Variants in NCKAP5 observed in about 807,000 individuals in gnomAD.
NCKAP5 encodes NCK associated protein 5.
NCKAP5 carries 92 observed loss-of-function variants against 167.0 expected under a neutral mutation model. The observed-to-expected ratio is 0.55, with a 90% confidence interval of 0.47 to 0.66. NCKAP5 has a LOEUF of 0.66. NCKAP5 is among the 30% of genes least tolerant of loss of function. The probability of loss-of-function intolerance (pLI) is 0.00; values close to 1 mark genes in which losing one functional copy is unlikely to be tolerated. For synonymous variants in NCKAP5, 891 were observed against 877.4 expected, an observed-to-expected ratio of 1.02 and a Z score of -0.27; for missense variants, 2,378 against 2,315.0, an observed-to-expected ratio of 1.03 and a Z score of -0.56.
At chr2:133,497,620 G>A (rs1221182297) in intron 3 of NCKAP5, among the ~76,000 whole-genome samples, 1 of 152,174 alleles carries the variant, frequency 6.6e-6, no homozygotes, top group African/African-American at 2.4e-5. Flanking sequence ...TGTCCTATAG[G>A]ATCCTTGTCC....
intron 6 of NCKAP5, among the ~76,000 whole-genome samples, chr2:133,000,117 C>T (rs1419708921): frequency 3.9e-5 from 6 of 152,006 alleles, no homozygotes; most frequent in Non-Finnish European, 2.9e-5. Flanking sequence ...AAGAAGTGCC[C>T]GCCACATTCC....
chr2:133,311,572 CA>C (rs1213369158), intron 3 of NCKAP5, among the ~76,000 whole-genome samples: 2 of 152,164 alleles, frequency 1.3e-5, no homozygotes, highest in African/African-American at 4.8e-5. Context: ...CCTTTAATCA[CA>C]TGTTTGGCTC....
At chr2:133,025,302 T>C (rs571008748) in intron 6 of NCKAP5, among the ~76,000 whole-genome samples, 2 of 152,334 alleles carry the variant, frequency 1.3e-5, no homozygotes, top group South Asian at 4.1e-4. Flanking sequence ...ACATACAATG[T>C]AAAGCTACTA....
At chr2:133,442,417 C>T (rs1479880752) in intron 3 of NCKAP5, among the ~76,000 whole-genome samples, 1 of 152,192 alleles carries the variant, frequency 6.6e-6, no homozygotes. Flanking sequence ...GCTGTTGAAG[C>T]TGCCTAACAG....
intron 8 of NCKAP5, among the ~76,000 whole-genome samples, chr2:132,961,657 C>T (rs1356537969): frequency 6.6e-6 from 1 of 152,204 alleles, no homozygotes; most frequent in Non-Finnish European, 1.5e-5. Context: ...AAAGATACTG[C>T]TTCTCTTTTA....
At chr2:132,885,168 G>A (rs1692114543) in intron 8 of NCKAP5, among the ~76,000 whole-genome samples, 1 of 151,318 alleles carries the variant, frequency 6.6e-6, no homozygotes, top group African/African-American at 2.4e-5. Context: ...TAGAGATTCA[G>A]GATTAACCTG....
the NCKAP5 span, among the ~76,000 whole-genome samples, chr2:133,643,589 A>G: frequency 2.0e-5 from 3 of 152,126 alleles, no homozygotes; most frequent in Admixed American, 1.3e-4. Flanking sequence ...TCTTTGTCAT[A>G]TTTAATCTAA....
At position 132,696,918 on chromosome 2, in the gene NCKAP5, C is replaced by T. The variant is rs190558583; in HGVS notation, c.5714-23613G>A. The stretch of plus-strand genomic sequence containing the variant: ...TATTTGGGTTGGGGGAACATGGTCT[C>T]ACTCTGTCACCCAGGCTGGAGTACA... On this transcript the variant is annotated intron_variant, in intron 19 of 19. Transcript: ENST00000409261. Among the ~76,000 whole-genome samples the T allele has an allele frequency of 2.0e-3, 303 of 152,254 alleles. 1 individual carries two copies. The highest frequency in any genetic ancestry group is 2.8e-3 in the Non-Finnish European group (190 of 68,032).
chr2:133,641,921 A>G, the NCKAP5 span, among the ~76,000 whole-genome samples: 3 of 152,150 alleles, frequency 2.0e-5, no homozygotes, highest in Non-Finnish European at 4.4e-5. Context: ...CTGGTGTCTT[A>G]GTTTATTTCA....
intron 3 of NCKAP5, among the ~76,000 whole-genome samples, chr2:133,474,435 G>T (rs1034708946): frequency 1.3e-5 from 2 of 152,146 alleles, no homozygotes; most frequent in African/African-American, 4.8e-5. Flanking sequence ...TTAGTCGAAG[G>T]ACATAGAATT....
chr2:132,772,360 A>G (rs1682151080), intron 16 of NCKAP5, among the ~76,000 whole-genome samples: 1 of 152,174 alleles, frequency 6.6e-6, no homozygotes. Flanking sequence ...CATTAATTTA[A>G]ATTGAAACAG....
intron 3 of NCKAP5, among the ~76,000 whole-genome samples, chr2:133,451,642 C>T (rs1353124633): frequency 1.3e-5 from 2 of 152,144 alleles, no homozygotes; most frequent in African/African-American, 4.8e-5. Flanking sequence ...TAAACCTCCC[C>T]TTCCCATTGC....
At chr2:133,003,558 C>G (rs183735999) in intron 6 of NCKAP5, among the ~76,000 whole-genome samples, 1 of 152,274 alleles carries the variant, frequency 6.6e-6, no homozygotes, top group Non-Finnish European at 1.5e-5. Flanking sequence ...TGCTCTTAAC[C>G]CAATCTCTGC....
chr2:132,783,221 G>T lies in NCKAP5; in HGVS notation c.3590C>A (p.Ala1197Glu), dbSNP rs2105039986. 1 of 1,613,960 alleles carries T rather than the reference G, an allele frequency of 6.2e-7. No individual in the cohort carries two copies. Among genetic ancestry groups the T allele is most frequent in the South Asian group, 1.1e-5 (1 of 91,078 alleles). Residue 1197 changes from alanine (A) to glutamate (E), a missense_variant, in exon 14 of 20, where the codon GCA (alanine) becomes GAA (glutamate). By Grantham distance (107) the Ala-to-Glu change is moderately radical. Around this residue, in one of 3 missense-constraint regions of NCKAP5, gnomAD observed 1,325 missense variants for 1,274.5 expected, o/e 1.04. Coordinates refer to ENST00000409261, the MANE Select transcript of NCKAP5 (RefSeq NM_207363.3). The part of the protein sequence containing the change: ...KSKPEDSKNP[A>E]SMEITAGERN... The stretch of plus-strand genomic sequence containing the variant: ...TTCACCCGCTGTGATCTCCATGCTT[G>T]CTGGATTCTTGGAGTCCTCTGGCTT...
At chr2:132,712,220 C>T (rs1688911288) in intron 19 of NCKAP5, among the ~76,000 whole-genome samples, 1 of 152,214 alleles carries the variant, frequency 6.6e-6, no homozygotes, top group Non-Finnish European at 1.5e-5. Flanking sequence ...ACCCTCTCTT[C>T]ATTCCCTGAT....
intron 6 of NCKAP5, among the ~76,000 whole-genome samples, chr2:133,115,382 A>G (rs2082038392): frequency 6.6e-6 from 1 of 152,100 alleles, no homozygotes; most frequent in African/African-American, 2.4e-5. Context: ...ATGAATATGG[A>G]TCCCACTACA....
At chr2:133,128,254 A>G (rs1343904597) in intron 6 of NCKAP5, among the ~76,000 whole-genome samples, 2 of 152,234 alleles carry the variant, frequency 1.3e-5, no homozygotes, top group Non-Finnish European at 2.9e-5. Context: ...TTTTAGGGCA[A>G]CTTCTCAAAC....
chr2:133,380,544 T>C (rs1686447871), intron 3 of NCKAP5, among the ~76,000 whole-genome samples: 1 of 152,248 alleles, frequency 6.6e-6, no homozygotes, highest in South Asian at 2.1e-4. Flanking sequence ...CAAGAATTTA[T>C]GGAGCAGTTG....
chr2:133,571,888 A>G (rs1250707177), upstream of NCKAP5, among the ~76,000 whole-genome samples: 1 of 152,030 alleles, frequency 6.6e-6, no homozygotes, highest in Non-Finnish European at 1.5e-5. Flanking sequence ...TTACCCTTAA[A>G]AAAGCCCAGT....
Sources: gnomAD v4.1 joint callset for allele counts (sites outside exome capture counted in the v4.1 genomes callset) on GRCh38, gnomAD v4.1.1 for gene constraint, gnomAD v4.1.1 regional missense constraint, MANE v1.5 for transcripts, NCBI Gene and HGNC (gene_info 2026-07-23, HGNC 2026-07-21) for gene names.